The following ASAP1 variants were observed in gnomAD, a reference collection of about 807,000 sequenced individuals.
The protein encoded by ASAP1 is arf-GAP with SH3 domain, ANK repeat and PH domain-containing protein 1.
A neutral mutation model predicts 145.2 loss-of-function variants in ASAP1; 43 were observed. That is an observed-to-expected ratio of 0.30 (90% CI 0.23 to 0.38). The LOEUF (loss-of-function observed/expected upper bound fraction) is 0.38, where lower values mean the gene tolerates loss of function less well. Ranked by LOEUF, ASAP1 falls within the 10% of genes least tolerant of loss-of-function variation. ASAP1 has a pLI of 1.00. For missense variants in ASAP1, 1,018 were observed against 1,355.3 expected (o/e 0.75, Z 3.91); for synonymous variants, 546 against 515.5 (o/e 1.06, Z -0.80).
intron 13 of ASAP1, among the ~76,000 whole-genome samples, chr8:130,146,315 TTAGCATATACCTTCGTA>T (rs2097630201): frequency 6.6e-6 from 1 of 152,150 alleles, no homozygotes; most frequent in African/African-American, 2.4e-5. Flanking sequence ...TTTTTACCCC[TTAGCATATACCTTCGTA>T]TATGCTAAGA....
At chr8:130,411,339 G>C (rs1829256450) in intron 1 of ASAP1, among the ~76,000 whole-genome samples, 1 of 152,230 alleles carries the variant, frequency 6.6e-6, no homozygotes, top group African/African-American at 2.4e-5. Context: ...GCCAGGAAAT[G>C]AATGCTTCTA....
rs186956678 is a variant in ASAP1 at position 130,286,159 on chromosome 8, G to C, written c.187-49165C>G. The stretch of plus-strand genomic sequence containing the variant: ...GCTCAGGGCACAGTAATCTGCTCAA[G>C]TTCTCACAGTATCAAATGGCAGAGT... On this transcript the variant is annotated intron_variant, in intron 3 of 29. Coordinates refer to ENST00000518721, the MANE Select transcript of ASAP1 (RefSeq NM_018482.4). 1.3e-4 allele frequency among the ~76,000 whole-genome samples: 20 copies of C among 152,356 alleles called. No homozygotes were observed. In the East Asian group the frequency reaches 3.9e-3, roughly 29 times the overall value.
intron 5 of ASAP1, among the ~76,000 whole-genome samples, chr8:130,210,645 G>T (rs1443638281): frequency 6.6e-6 from 1 of 152,158 alleles, no homozygotes; most frequent in Non-Finnish European, 1.5e-5. Context: ...TGTCAGGTGG[G>T]CCTTTACCAT....
At chr8:130,383,881 T>C (rs1827893647) in intron 2 of ASAP1, among the ~76,000 whole-genome samples, 1 of 151,978 alleles carries the variant, frequency 6.6e-6, no homozygotes, top group South Asian at 2.1e-4. Context: ...CCCACAGAGG[T>C]GAAAGGACTT....
At chr8:130,056,283 G>A (rs1173716104) in intron 29 of ASAP1, among the ~76,000 whole-genome samples, 1 of 152,238 alleles carries the variant, frequency 6.6e-6, no homozygotes, top group Non-Finnish European at 1.5e-5. Flanking sequence ...GTCATGAGAT[G>A]AAGTGGACTC....
chr8:130,256,315 G>A (rs912841636), intron 3 of ASAP1, among the ~76,000 whole-genome samples: 7 of 151,598 alleles, frequency 4.6e-5, no homozygotes, highest in Non-Finnish European at 7.4e-5. Flanking sequence ...TAAAGCAAAT[G>A]GTCAGTCTCC....
chr8:130,420,220 C>A (rs1293934653), intron 1 of ASAP1, among the ~76,000 whole-genome samples: 2 of 145,834 alleles, frequency 1.4e-5, no homozygotes, highest in Non-Finnish European at 3.0e-5. Flanking sequence ...ACCCACTAGG[C>A]TGGCCATAAT....
intron 3 of ASAP1, among the ~76,000 whole-genome samples, chr8:130,249,261 A>G (rs1386124967): frequency 6.6e-6 from 1 of 152,068 alleles, no homozygotes; most frequent in Non-Finnish European, 1.5e-5. Context: ...GGAACCCCCA[A>G]CCATGGCTCA....
At chr8:130,055,967 G>A (rs904624289) in intron 29 of ASAP1, among the ~76,000 whole-genome samples, 2 of 152,160 alleles carry the variant, frequency 1.3e-5, no homozygotes, top group African/African-American at 4.8e-5. Context: ...TACATCTGGC[G>A]AGGCACGTAA....
intron 1 of ASAP1, among the ~76,000 whole-genome samples, chr8:130,402,338 G>C (rs11992932): frequency 6.6e-6 from 1 of 151,804 alleles, no homozygotes; most frequent in Admixed American, 6.6e-5. Flanking sequence ...CCTGCAGCTG[G>C]GTGCCCACGA....
At chr8:130,078,523 C>T (rs1448648230) in intron 26 of ASAP1, among the ~76,000 whole-genome samples, 1 of 150,678 alleles carries the variant, frequency 6.6e-6, no homozygotes, top group East Asian at 2.0e-4. Flanking sequence ...GGGGCTCAAG[C>T]AATCCTCACA....
chr8:130,180,958 AAC>A, intron 7 of ASAP1, 78 bp from the exon 8 acceptor site: 14 of 1,340,236 alleles, frequency 1.0e-5, no homozygotes, highest in Non-Finnish European at 1.4e-5. Flanking sequence ...TCCTAATACA[AAC>A]TATGGATTTG....
At chr8:130,118,081 T>TCTAGG (rs2097559317) in intron 20 of ASAP1, 80 bp downstream of exon 20, 3 of 1,231,180 alleles carry the variant, frequency 2.4e-6, no homozygotes, top group Non-Finnish European at 3.5e-6. Flanking sequence ...CAATTCCCGA[T>TCTAGG]CTAGGCCACT....
intron 3 of ASAP1, among the ~76,000 whole-genome samples, chr8:130,240,725 C>T (rs1818473949): frequency 1.3e-5 from 2 of 152,132 alleles, no homozygotes; most frequent in South Asian, 2.1e-4. Context: ...TGCCATACGG[C>T]ATTATTACAT....
chr8:130,094,337 A>G (rs2097512508), intron 24 of ASAP1, among the ~76,000 whole-genome samples: 1 of 152,076 alleles, frequency 6.6e-6, no homozygotes, highest in African/African-American at 2.4e-5. Context: ...CAGCCTCCTG[A>G]GTAGCTGGGA....
rs759703780 is a variant in ASAP1 at position 130,079,964 on chromosome 8, A to G, written c.2580T>C (p.Asp860=). ...TCTTACTTGAAGAGGATGGACCCCC[A>G]TCGTTACCTACAAGGAAAACCGAAG... The part of the protein sequence containing the change: ...PNKGAVPWGN[D]GGPSSSSKTT... Residue 860 remains aspartate (D), a synonymous_variant, in exon 26 of 30, where the codon GAT becomes GAC. Transcript: ENST00000518721. The G allele has an allele frequency of 2.0e-5, 32 of 1,613,954 alleles. No homozygotes were observed. Among genetic ancestry groups the G allele is most frequent in the Non-Finnish European group, 2.6e-5 (31 of 1,179,922 alleles).
At chr8:130,272,350 T>C (rs897917772) in intron 3 of ASAP1, among the ~76,000 whole-genome samples, 1 of 152,178 alleles carries the variant, frequency 6.6e-6, no homozygotes, top group South Asian at 2.1e-4. Flanking sequence ...AACCCCTATG[T>C]TGGCGAGGAC....
At chr8:130,230,401 G>T (rs997711002) in intron 4 of ASAP1, among the ~76,000 whole-genome samples, 2 of 152,080 alleles carry the variant, frequency 1.3e-5, no homozygotes, top group Admixed American at 1.3e-4. Flanking sequence ...TATTATTCTG[G>T]AAAGAGACAC....
intron 24 of ASAP1, among the ~76,000 whole-genome samples, chr8:130,101,732 A>ATTTTTTTTTTATTTTTTT: frequency 1.1e-5 from 1 of 86,968 alleles, no homozygotes; most frequent in Non-Finnish European, 2.0e-5. Flanking sequence ...CACCTGGTTA[A>ATTTTTTTTTTATTTTTTT]TTTTTTTTTT....
Sources: gnomAD v4.1 joint callset for allele counts (sites outside exome capture counted in the v4.1 genomes callset) on GRCh38, gnomAD v4.1.1 for gene constraint, MANE v1.5 for transcripts, NCBI Gene and HGNC (gene_info 2026-07-23, HGNC 2026-07-21) for gene names.